NALCN: variants seen among roughly 807,000 people sequenced by gnomAD.
The protein encoded by NALCN is sodium leak channel NALCN.
In NALCN, 111 loss-of-function variants were observed where a neutral mutation model predicts 225.3. The ratio of observed to expected loss-of-function variants is 0.49; its 90% CI spans 0.42 to 0.58. The LOEUF (loss-of-function observed/expected upper bound fraction) is 0.58. Among genes scored for constraint, NALCN ranks in the 20% least tolerant of loss-of-function variants. NALCN has a pLI of 0.00. For missense variants in NALCN, 1,378 were observed against 2,202.4 expected, an observed-to-expected ratio of 0.63 and a Z score of 7.49; for synonymous variants, 764 against 769.0, an observed-to-expected ratio of 0.99 and a Z score of 0.11.
At chr13:101,133,573 GGT>G (rs1220797915) in intron 17 of NALCN, among the ~76,000 whole-genome samples, 1 of 152,144 alleles carries the variant, frequency 6.6e-6, no homozygotes, top group East Asian at 1.9e-4. Flanking sequence ...ATGGGTCGAA[GGT>G]GGTATCTCAT....
intron 6 of NALCN, among the ~76,000 whole-genome samples, chr13:101,345,772 T>G (rs866066330): frequency 1.4e-5 from 1 of 72,858 alleles, no homozygotes; most frequent in Non-Finnish European, 2.6e-5. Context: ...ATATATATAT[T>G]TAGAGAGGGA....
At chr13:101,116,870 T>A in intron 18 of NALCN, 1 of 468,660 alleles carries the variant, frequency 2.1e-6, no homozygotes, top group South Asian at 1.5e-5. Context: ...AAACTATGAC[T>A]GTATAACTAA....
At chr13:101,276,062 CAAAAAAAAAAAAAAAAAAAA>C (rs59471123) in intron 10 of NALCN, among the ~76,000 whole-genome samples, 2 of 84,310 alleles carry the variant, frequency 2.4e-5, no homozygotes, top group Non-Finnish European at 2.3e-5. Context: ...GACTCCTTCT[CAAAAAAAAAAAAAAAAAAAA>C]AAAAAAAAAA....
intron 18 of NALCN, among the ~76,000 whole-genome samples, chr13:101,115,519 A>G (rs2035665020): frequency 6.6e-6 from 1 of 152,222 alleles, no homozygotes; most frequent in Admixed American, 6.5e-5. Flanking sequence ...AATATTTTAT[A>G]TAAGAAATGA....
At position 101,371,997 on chromosome 13, in the gene NALCN, A is replaced by C. The variant is rs1490858298; in HGVS notation, c.644+4703T>G. Among the ~76,000 whole-genome samples the C allele has an allele frequency of 2.0e-5, 3 of 152,222 alleles. No individual in the cohort carries two copies. The East Asian group carries it at 5.8e-4, about 29-fold the overall frequency. ...AATAAGATAAAAGATGATTAAATAA[A>C]ATAAATTATTTCAGAGTTACACATT... On this transcript the variant is annotated intron_variant, in intron 6 of 43. Transcript: ENST00000251127.
At chr13:101,336,948 T>C (rs996380852) in intron 7 of NALCN, among the ~76,000 whole-genome samples, 1 of 152,220 alleles carries the variant, frequency 6.6e-6, no homozygotes, top group Non-Finnish European at 1.5e-5. Context: ...ATAGCATATT[T>C]TCTTTTGCTT....
At chr13:101,275,376 C>T (rs1252347726) in intron 10 of NALCN, among the ~76,000 whole-genome samples, 1 of 152,168 alleles carries the variant, frequency 6.6e-6, no homozygotes, top group East Asian at 1.9e-4. Context: ...CAGAGAAAGG[C>T]CGAATGACAC....
At position 101,338,495 on chromosome 13, in the gene NALCN, T is replaced by C. The variant is rs1248583849; in HGVS notation, c.799+6771A>G. Among the ~76,000 whole-genome samples, 4 of 152,324 alleles carry C rather than the reference T, an allele frequency of 2.6e-5. No homozygotes were observed. The East Asian group carries it at 7.7e-4, about 29-fold the overall frequency. On this transcript the variant is annotated intron_variant, in intron 7 of 43. Transcript: ENST00000251127. Reference sequence around the variant, plus strand: ...GTCCAAACTGAACATTTTTTATTTTTTACCTGACTGTACAATGAATGAAGG... The same window carrying C: ...GTCCAAACTGAACATTTTTTATTTTCTACCTGACTGTACAATGAATGAAGG...
At chr13:101,116,707 A>C (rs17581878) in intron 18 of NALCN, 8,033 of 373,758 alleles carry the variant, frequency 0.021, 126 homozygotes, top group Middle Eastern at 0.068. Context: ...AAGGAACTGC[A>C]GTATAACTTT....
intron 14 of NALCN, chr13:101,181,199 T>A (rs1050981424): frequency 1.9e-6 from 1 of 518,726 alleles, no homozygotes; most frequent in African/African-American, 1.9e-5. Context: ...GAGGAACGCA[T>A]TCCAGGTGGT....
At chr13:101,347,548 G>A (rs2045779002) in intron 6 of NALCN, among the ~76,000 whole-genome samples, 1 of 152,124 alleles carries the variant, frequency 6.6e-6, no homozygotes, top group Non-Finnish European at 1.5e-5. Flanking sequence ...AGAATGTGTG[G>A]TACAAATACT....
intron 7 of NALCN, among the ~76,000 whole-genome samples, chr13:101,329,446 T>C (rs1348421542): frequency 5.9e-5 from 9 of 152,188 alleles, no homozygotes; most frequent in African/African-American, 1.9e-4. Context: ...TCTTGTCTCA[T>C]TCTCTTGCTC....
chr13:101,282,176 A>T (rs2043189252), intron 10 of NALCN, among the ~76,000 whole-genome samples: 1 of 152,198 alleles, frequency 6.6e-6, no homozygotes, highest in Non-Finnish European at 1.5e-5. Flanking sequence ...AAGGAAATGA[A>T]ATCAGTATCT....
chr13:101,124,798 A>G (rs2036155023), intron 17 of NALCN, 117 bp from the exon 18 acceptor site: 7 of 882,590 alleles, frequency 7.9e-6, no homozygotes, highest in Non-Finnish European at 1.1e-5. Context: ...TCGCTAAAGC[A>G]TCATCGTACA....
At chr13:101,224,563 G>A (rs2041064762) in intron 13 of NALCN, among the ~76,000 whole-genome samples, 1 of 152,066 alleles carries the variant, frequency 6.6e-6, no homozygotes, top group African/African-American at 2.4e-5. Context: ...CCAGAGTGCT[G>A]GATATGCTTA....
intron 28 of NALCN, among the ~76,000 whole-genome samples, chr13:101,094,010 A>G (rs1475349241): frequency 2.0e-5 from 3 of 152,202 alleles, no homozygotes. Flanking sequence ...GATTCTGGCC[A>G]TAGGTGTTCA....
intron 10 of NALCN, 69 bp from the exon 11 acceptor site, chr13:101,258,643 T>C (rs1404310731): frequency 6.3e-7 from 1 of 1,598,110 alleles, no homozygotes; most frequent in African/African-American, 1.3e-5. Context: ...ATTGACTTAG[T>C]CCTTGGCTGA....
chr13:101,342,351 A>G (rs1407938619), intron 7 of NALCN, among the ~76,000 whole-genome samples: 1 of 152,064 alleles, frequency 6.6e-6, no homozygotes, highest in African/African-American at 2.4e-5. Flanking sequence ...GGCCATGAAA[A>G]CCTTCCGTTT....
intron 6 of NALCN, among the ~76,000 whole-genome samples, chr13:101,356,454 G>T (rs1446530992): frequency 2.0e-5 from 3 of 152,070 alleles, no homozygotes; most frequent in Admixed American, 2.0e-4. Context: ...TAGAAGAAAT[G>T]GATAAATTCT....
Sources: gnomAD v4.1 joint callset for allele counts (sites outside exome capture counted in the v4.1 genomes callset) on GRCh38, gnomAD v4.1.1 for gene constraint, MANE v1.5 for transcripts, NCBI Gene and HGNC (gene_info 2026-07-23, HGNC 2026-07-21) for gene names.